FAM168A: variants seen among roughly 807,000 people sequenced by gnomAD.
FAM168A encodes family with sequence similarity 168 member A, also known as protein FAM168A.
In FAM168A, 3 loss-of-function variants were observed where a neutral mutation model predicts 28.5. The ratio of observed to expected loss-of-function variants is 0.11; its 90% CI spans 0.05 to 0.27. The LOEUF (loss-of-function observed/expected upper bound fraction) is 0.27. FAM168A is among the 10% of genes least tolerant of loss of function. The pLI is 1.00. For synonymous variants in FAM168A, 122 were observed against 124.2 expected, an observed-to-expected ratio of 0.98 and a Z score of 0.12; for missense variants, 222 against 311.5, an observed-to-expected ratio of 0.71 and a Z score of 2.16.
At position 73,407,368 on chromosome 11, in the gene FAM168A, T is replaced by C. The variant is rs1484058206; in HGVS notation, c.*18+145A>G. 1.3e-5 allele frequency: 7 copies of C among 527,244 alleles called. No homozygotes were observed. In the South Asian group the frequency reaches 1.4e-4, roughly 11 times the overall value. 32.7% of individuals were successfully genotyped at this position (527,244 alleles called of 1,614,324 possible). A position where few individuals can be genotyped will look rare whatever the true frequency, so the allele number is the denominator to read the frequency against. On this transcript the variant is annotated intron_variant, in intron 7 of 7. Transcript: ENST00000356467. ...ATAGCTATTATTAAGAGTGATATTATGGACCTTGGAGCAGGAAAGCAACTG... is the reference window on the plus strand; with the variant it reads ...ATAGCTATTATTAAGAGTGATATTACGGACCTTGGAGCAGGAAAGCAACTG...
intron 1 of FAM168A, among the ~76,000 whole-genome samples, chr11:73,596,662 C>A (rs1944442018): frequency 6.6e-6 from 1 of 152,080 alleles, no homozygotes; most frequent in Non-Finnish European, 1.5e-5. Flanking sequence ...TTAAGTATTC[C>A]AACCCTTAAC....
At chr11:73,586,880 C>CCAATT (rs1449094146) in intron 1 of FAM168A, among the ~76,000 whole-genome samples, 5 of 152,036 alleles carry the variant, frequency 3.3e-5, no homozygotes. Context: ...AGCACCAAGC[C>CCAATT]CAATTAATTT....
chr11:73,449,472 G>A (rs985986601), intron 2 of FAM168A, among the ~76,000 whole-genome samples: 1 of 152,112 alleles, frequency 6.6e-6, no homozygotes, highest in African/African-American at 2.4e-5. Flanking sequence ...TGAATCACTC[G>A]GCCTACCTTC....
chr11:73,562,131 T>C lies in FAM168A; in HGVS notation c.-19+35792A>G, dbSNP rs144053337. Reference sequence around the variant, plus strand: ...CTAATGTTTGTATTTATAGTAGAGATAGGGTTTCACCATGTTGGTCAGGCT... The same window carrying C: ...CTAATGTTTGTATTTATAGTAGAGACAGGGTTTCACCATGTTGGTCAGGCT... On this transcript the variant is annotated intron_variant, in intron 1 of 7. Transcript: ENST00000356467. 8.0e-4 allele frequency among the ~76,000 whole-genome samples: 121 copies of C among 152,084 alleles called. 1 individual carries two copies. The highest frequency in any genetic ancestry group is 2.7e-3 in the African/African-American group (112 of 41,486).
intron 1 of FAM168A, among the ~76,000 whole-genome samples, chr11:73,483,749 T>C (rs945527427): frequency 4.6e-5 from 7 of 152,184 alleles, no homozygotes; most frequent in African/African-American, 1.7e-4. Flanking sequence ...CATTCAAAGA[T>C]GGTGTTCATT....
intron 1 of FAM168A, among the ~76,000 whole-genome samples, chr11:73,488,787 T>C (rs1486468353): frequency 6.6e-6 from 1 of 152,252 alleles, no homozygotes; most frequent in Non-Finnish European, 1.5e-5. Flanking sequence ...CTCTGCAGGA[T>C]TATTCATATT....
chr11:73,581,342 G>A (rs1377306252), intron 1 of FAM168A, among the ~76,000 whole-genome samples: 1 of 152,172 alleles, frequency 6.6e-6, no homozygotes, highest in African/African-American at 2.4e-5. Context: ...GAAAAAAACA[G>A]AATATAATAC....
chr11:73,590,091 T>C (rs1292300647), intron 1 of FAM168A, among the ~76,000 whole-genome samples: 3 of 152,074 alleles, frequency 2.0e-5, no homozygotes, highest in East Asian at 3.9e-4. Flanking sequence ...TAGAATAATA[T>C]ACTTATTTTC....
chr11:73,579,207 T>C (rs891814960), intron 1 of FAM168A, among the ~76,000 whole-genome samples: 5 of 152,146 alleles, frequency 3.3e-5, no homozygotes, highest in Non-Finnish European at 7.4e-5. Context: ...TTTCAACATA[T>C]GAATTTTGGT....
At chr11:73,582,775 TC>T (rs1944263177) in intron 1 of FAM168A, among the ~76,000 whole-genome samples, 1 of 152,174 alleles carries the variant, frequency 6.6e-6, no homozygotes, top group Non-Finnish European at 1.5e-5. Context: ...AATCATAAGG[TC>T]CCGTCTTCTC....
intron 1 of FAM168A, among the ~76,000 whole-genome samples, chr11:73,583,094 G>A (rs1165838885): frequency 6.6e-6 from 1 of 152,168 alleles, no homozygotes. Flanking sequence ...CACGAGGTCA[G>A]GAGATCAAGA....
chr11:73,565,691 C>T (rs191498121), intron 1 of FAM168A, among the ~76,000 whole-genome samples: 56 of 152,262 alleles, frequency 3.7e-4, no homozygotes, highest in Admixed American at 1.9e-3. Flanking sequence ...TATATGACTT[C>T]TAACTTCATA....
At chr11:73,478,117 T>C (rs889302302) in intron 1 of FAM168A, among the ~76,000 whole-genome samples, 2 of 152,238 alleles carry the variant, frequency 1.3e-5, no homozygotes, top group Non-Finnish European at 2.9e-5. Context: ...ATGGGAATGC[T>C]GCCATATTGG....
At chr11:73,483,871 G>C (rs1805567808) in intron 1 of FAM168A, among the ~76,000 whole-genome samples, 1 of 152,316 alleles carries the variant, frequency 6.6e-6, no homozygotes, top group Admixed American at 6.5e-5. Context: ...ATTTTTATTA[G>C]CTTAGAGGTT....
At chr11:73,569,619 C>T (rs1245257639) in intron 1 of FAM168A, among the ~76,000 whole-genome samples, 1 of 151,988 alleles carries the variant, frequency 6.6e-6, no homozygotes, top group Admixed American at 6.6e-5. Flanking sequence ...GTCAGGAGTT[C>T]GAGACCAGCC....
chr11:73,443,810 T>C (rs948637560), intron 2 of FAM168A, among the ~76,000 whole-genome samples: 14 of 152,212 alleles, frequency 9.2e-5, no homozygotes, highest in African/African-American at 3.1e-4. Context: ...ACTTACTTAT[T>C]GGTAAATAAT....
chr11:73,563,506 G>A (rs1943983206), intron 1 of FAM168A, among the ~76,000 whole-genome samples: 1 of 152,028 alleles, frequency 6.6e-6, no homozygotes, highest in South Asian at 2.1e-4. Flanking sequence ...GCAGTAGGAG[G>A]AAAACAGTAA....
intron 1 of FAM168A, among the ~76,000 whole-genome samples, chr11:73,545,027 A>ATATAATATATT (rs57233496): frequency 2.6e-5 from 2 of 77,468 alleles, no homozygotes; most frequent in African/African-American, 2.4e-4. Flanking sequence ...TAGTATATAT[A>ATATAATATATT]ATATATATAT....
At chr11:73,575,414 T>C (rs1006295079) in intron 1 of FAM168A, among the ~76,000 whole-genome samples, 1 of 152,212 alleles carries the variant, frequency 6.6e-6, no homozygotes, top group African/African-American at 2.4e-5. Flanking sequence ...TGAATGTATC[T>C]TCAGAATGTC....
Sources: allele counts gnomAD v4.1 joint callset (sites outside exome capture counted in the v4.1 genomes callset), GRCh38; gene constraint gnomAD v4.1.1; transcripts MANE v1.5; gene names NCBI Gene and HGNC (gene_info 2026-07-23, HGNC 2026-07-21).